Variants in TAFA2 observed in about 807,000 individuals in gnomAD.
The protein encoded by TAFA2 is TAFA chemokine like family member 2, also known as chemokine-like protein TAFA-2.
TAFA2 carries 7 observed loss-of-function variants against 18.8 expected under a neutral mutation model. The ratio of observed to expected loss-of-function variants is 0.37; its 90% CI spans 0.21 to 0.70. TAFA2 has a LOEUF of 0.70. Among genes scored for constraint, TAFA2 ranks in the 30% least tolerant of loss-of-function variants. The probability of loss-of-function intolerance (pLI) is 0.53; values close to 1 mark genes in which losing one functional copy is unlikely to be tolerated. For missense variants in TAFA2, 122 were observed against 158.1 expected (o/e 0.77, Z 1.23); for synonymous variants, 60 against 54.2 (o/e 1.11, Z -0.47).
chr12:61,952,707 A>G (rs1878512633), intron 1 of TAFA2, among the ~76,000 whole-genome samples: 1 of 152,072 alleles, frequency 6.6e-6, no homozygotes, highest in African/African-American at 2.4e-5. Flanking sequence ...AATCTTTAGG[A>G]TTCTATCACC....
intron 2 of TAFA2, among the ~76,000 whole-genome samples, chr12:61,830,075 T>C (rs933646432): frequency 2.0e-5 from 3 of 151,558 alleles, no homozygotes; most frequent in African/African-American, 7.3e-5. Context: ...ATCACAGCAC[T>C]ACTCATAATA....
intron 4 of TAFA2, among the ~76,000 whole-genome samples, chr12:61,745,856 G>A (rs2120721178): frequency 6.6e-6 from 1 of 152,102 alleles, no homozygotes; most frequent in Non-Finnish European, 1.5e-5. Context: ...AGCCAAAAGA[G>A]CCCACAAGAG....
At chr12:62,093,726 C>T (rs1246527210) in intron 1 of TAFA2, among the ~76,000 whole-genome samples, 1 of 152,012 alleles carries the variant, frequency 6.6e-6, no homozygotes. Flanking sequence ...CTACATTGCA[C>T]TCTTTATTGC....
intron 2 of TAFA2, among the ~76,000 whole-genome samples, chr12:61,805,412 T>A (rs1367477356): frequency 6.6e-6 from 1 of 152,074 alleles, no homozygotes; most frequent in African/African-American, 2.4e-5. Flanking sequence ...AATATTAACA[T>A]CATGCCATAC....
chr12:61,928,107 A>T (rs2121385767), intron 1 of TAFA2, among the ~76,000 whole-genome samples: 1 of 152,360 alleles, frequency 6.6e-6, no homozygotes, highest in South Asian at 2.1e-4. Context: ...ATGGCCAAAG[A>T]CTTCATGACT....
rs201782050 is a variant in TAFA2, at chr12:61,753,590, A to T, written c.384+32T>A. 1,542 of 1,598,120 alleles carry T rather than the reference A, an allele frequency of 9.6e-4. 11 individuals are homozygous for T. Among genetic ancestry groups the T allele is most frequent in the South Asian group, 7.0e-3 (623 of 89,274 alleles). Reference sequence around the variant, plus strand: ...CTCCGTTCTCTATTAATTCAGAGACATTCTGTTTTCCCAAGCTTGCTGTCC... The same window carrying T: ...CTCCGTTCTCTATTAATTCAGAGACTTTCTGTTTTCCCAAGCTTGCTGTCC... On this transcript the variant is annotated intron_variant, in intron 4 of 4. Transcript: ENST00000416284.
rs7965138 is a variant in TAFA2 at position 61,907,780 on chromosome 12, G to C, written c.-1-40354C>G. Among the ~76,000 whole-genome samples the C allele has an allele frequency of 2.6e-5, 4 of 152,094 alleles. No individual in the cohort carries two copies. The East Asian group carries it at 7.8e-4, about 30-fold the overall frequency. ...GGATGTACCCTGCAAAGCCACAAGGGTGGAGCTGCCCAAGGCTATGGGAGC... is the reference window on the plus strand; with the variant it reads ...GGATGTACCCTGCAAAGCCACAAGGCTGGAGCTGCCCAAGGCTATGGGAGC... On this transcript the variant is annotated intron_variant, in intron 1 of 4. Transcript: ENST00000416284.
chr12:61,741,386 G>A (rs898937784), intron 4 of TAFA2, among the ~76,000 whole-genome samples: 3 of 151,804 alleles, frequency 2.0e-5, no homozygotes, highest in Non-Finnish European at 4.4e-5. Context: ...TATGAAGATA[G>A]TCTAGTTGAG....
In TAFA2 at chr12:62,188,953, T is replaced by C. The variant is rs112948740; in HGVS notation, c.-2+2306A>G. On this transcript the variant is annotated intron_variant, in intron 1 of 4. Transcript: ENST00000416284. ...CATAGGCAACTCAATGAATCTTCAT[T>C]CTCCAATTTGTCATTGTTAAAATAG... 3.0e-3 allele frequency among the ~76,000 whole-genome samples: 453 copies of C among 152,254 alleles called. 1 individual carries two copies. Among genetic ancestry groups the C allele is most frequent in the African/African-American group, 0.01 (430 of 41,556 alleles).
intron 4 of TAFA2, among the ~76,000 whole-genome samples, chr12:61,728,154 T>C (rs1870263182): frequency 6.6e-6 from 1 of 151,908 alleles, no homozygotes; most frequent in South Asian, 2.1e-4. Context: ...ATATGGTCTA[T>C]CTTGGAGAAT....
At chr12:61,957,507 G>A (rs1186068561) in intron 1 of TAFA2, among the ~76,000 whole-genome samples, 1 of 152,008 alleles carries the variant, frequency 6.6e-6, no homozygotes, top group African/African-American at 2.4e-5. Context: ...TGGGGGATGA[G>A]GAACTTGGTT....
chr12:61,950,713 A>G (rs2121451297), intron 1 of TAFA2, among the ~76,000 whole-genome samples: 1 of 152,194 alleles, frequency 6.6e-6, no homozygotes, highest in Middle Eastern at 3.4e-3. Context: ...TAATAACTTT[A>G]TTGTTTCTGG....
intron 1 of TAFA2, among the ~76,000 whole-genome samples, chr12:62,021,308 G>C (rs1881127920): frequency 6.6e-6 from 1 of 151,958 alleles, no homozygotes; most frequent in African/African-American, 2.4e-5. Flanking sequence ...AAAGGTTTTT[G>C]AGGAACAGAT....
At chr12:61,944,879 A>T in intron 1 of TAFA2, among the ~76,000 whole-genome samples, 1 of 76,854 alleles carries the variant, frequency 1.3e-5, no homozygotes, top group Non-Finnish European at 2.4e-5. Flanking sequence ...CAGAGGTACA[A>T]GGAGGAACTG....
intron 1 of TAFA2, among the ~76,000 whole-genome samples, chr12:61,950,183 G>A (rs780769139): frequency 1.3e-5 from 2 of 152,106 alleles, no homozygotes; most frequent in African/African-American, 2.4e-5. Flanking sequence ...CATTTGAGTT[G>A]TTTTCATGTC....
At chr12:61,955,653 A>ATATATATG (rs1555178825) in intron 1 of TAFA2, among the ~76,000 whole-genome samples, 72 of 103,530 alleles carry the variant, frequency 7.0e-4, no homozygotes, top group African/African-American at 2.2e-3. Context: ...ATATATATAT[A>ATATATATG]TATATATATA....
chr12:61,807,244 C>T (rs1198759319), intron 2 of TAFA2, among the ~76,000 whole-genome samples: 1 of 151,388 alleles, frequency 6.6e-6, no homozygotes. Flanking sequence ...CCAGCCGTGG[C>T]TGAAATGCGC....
At chr12:61,862,536 G>A (rs576913347) in intron 2 of TAFA2, among the ~76,000 whole-genome samples, 1 of 152,186 alleles carries the variant, frequency 6.6e-6, no homozygotes, top group South Asian at 2.1e-4. Context: ...ATCCATTGGT[G>A]GCTCTTAAGA....
At chr12:61,844,435 A>T (rs1873317516) in intron 2 of TAFA2, among the ~76,000 whole-genome samples, 2 of 152,152 alleles carry the variant, frequency 1.3e-5, no homozygotes, top group Admixed American at 1.3e-4. Flanking sequence ...TTATTGCAAC[A>T]GTACACGAGA....
Sources: allele counts gnomAD v4.1 joint callset (sites outside exome capture counted in the v4.1 genomes callset), GRCh38; gene constraint gnomAD v4.1.1; transcripts MANE v1.5; gene names NCBI Gene and HGNC (gene_info 2026-07-23, HGNC 2026-07-21).